AAAS: variants seen among roughly 807,000 people sequenced by gnomAD.
AAAS encodes the protein aladin.
AAAS carries 60 observed loss-of-function variants against 75.6 expected under a neutral mutation model. The observed-to-expected ratio is 0.79, with a 90% CI of 0.64 to 0.98. AAAS has a LOEUF of 0.98. AAAS is among the 50% of genes least tolerant of loss of function. The pLI is 0.00. For missense variants in AAAS, 658 were observed against 686.9 expected, an observed-to-expected ratio of 0.96 and a Z score of 0.47; for synonymous variants, 271 against 265.0, an observed-to-expected ratio of 1.02 and a Z score of -0.22.
Position 53,320,589 on chromosome 12 carries a change from A to T in AAAS, c.227T>A (p.Val76Glu), listed in dbSNP as rs1944537360. The stretch of plus-strand genomic sequence containing the variant: ...CCAAATGTTGATGCATCTCTTCCAC[A>T]CTTGCTCCCGGTGATGGATGAAGGC... ...RTAFIHHREQ[V>E]WKRCINIWRD... Residue 76 changes from valine (V) to glutamate (E), a missense_variant, in exon 2 of 16, where the codon GTG becomes GAG. Physicochemically the swap from Val to Glu is moderately radical, Grantham distance 121. Coordinates refer to ENST00000209873, the MANE Select transcript of AAAS (RefSeq NM_015665.6). 1 of 1,613,940 alleles carries T rather than the reference A, an allele frequency of 6.2e-7. No individual in the cohort carries two copies. The highest frequency in any genetic ancestry group is 1.7e-5 in the Admixed American group (1 of 60,006).
At chr12:53,308,245 A>G (rs1449609418) in intron 13 of AAAS, 37 bp downstream of exon 13, 1 of 1,613,766 alleles carries the variant, frequency 6.2e-7, no homozygotes, top group Non-Finnish European at 8.5e-7. Context: ...AACTGGGAAG[A>G]TGGCTGTGGG....
At chr12:53,308,375 G>C in intron 12 of AAAS, 26 bp from the exon 13 acceptor site, 1 of 1,614,142 alleles carries the variant, frequency 6.2e-7, no homozygotes, top group South Asian at 1.1e-5. Context: ...GGTTAGGAGA[G>C]TTTCAGTGTG....
At chr12:53,320,022 A>C (rs188151023) in intron 2 of AAAS, among the ~76,000 whole-genome samples, 30 of 151,906 alleles carry the variant, frequency 2.0e-4, no homozygotes, top group Admixed American at 2.0e-3. Context: ...CGGGAGACTG[A>C]GGCAGAAGAA....
In AAAS at chr12:53,321,493, C is replaced by T. The variant is rs984243160; in HGVS notation, c.-28G>A. 2 of 1,613,206 alleles carry T rather than the reference C, an allele frequency of 1.2e-6. No individual in the cohort carries two copies. Among genetic ancestry groups the T allele is most frequent in the African/African-American group, 2.7e-5 (2 of 74,950 alleles). ...TGCCGGTTCGCAGGACGTCTGCAGT[C>T]GGCAAACTCCTGGCCGGAACGGCAC... On this transcript the variant is annotated 5_prime_UTR_variant, in exon 1 of 16. Coordinates refer to ENST00000209873, the MANE Select transcript of AAAS (RefSeq NM_015665.6).
intron 3 of AAAS, 22 bp downstream of exon 3, chr12:53,315,705 G>A: frequency 6.2e-7 from 1 of 1,612,528 alleles, no homozygotes; most frequent in Admixed American, 1.7e-5. Flanking sequence ...AACTAGGGAA[G>A]GCTGGAGGGA....
At chr12:53,307,978 G>A (rs1296972342) in intron 14 of AAAS, 49 bp from the exon 15 acceptor site, 2 of 1,612,296 alleles carry the variant, frequency 1.2e-6, no homozygotes, top group African/African-American at 2.7e-5. Context: ...GGAGCTGAAT[G>A]TAGTGGGATG....
chr12:53,319,331 A>G (rs1023915633), intron 2 of AAAS, among the ~76,000 whole-genome samples: 2 of 152,042 alleles, frequency 1.3e-5, no homozygotes, highest in South Asian at 4.2e-4. Flanking sequence ...CTGGGAATAA[A>G]GGTGCATGCC....
At chr12:53,312,313 C>A (rs1208888347) in intron 7 of AAAS, among the ~76,000 whole-genome samples, 1 of 152,102 alleles carries the variant, frequency 6.6e-6, no homozygotes, top group Non-Finnish European at 1.5e-5. Flanking sequence ...CGGTGGCTCA[C>A]TTCTATAATC....
rs554000415 is a variant in AAAS, at chr12:53,315,554, A to ACACTCTGGACACC, written c.308-141_308-129dup. ...CTGCCCAGTAAGTGCTCTCAACACC[A>ACACTCTGGACACC]CACTCTGGACACCCACTCTGGACAC... On this transcript the variant is annotated intron_variant, in intron 3 of 15. Transcript: ENST00000209873. 1.2e-3 allele frequency: 1,434 copies of ACACTCTGGACACC among 1,168,644 alleles called. 4 individuals are homozygous for ACACTCTGGACACC. The highest frequency in any genetic ancestry group is 1.5e-3 in the Non-Finnish European group (1,212 of 799,346). The allele number at this position is 1,168,644 out of a possible 1,614,324, so 72.4% of individuals were successfully genotyped here. A position where few individuals can be genotyped will look rare whatever the true frequency, so the allele number is the denominator to read the frequency against.
At chr12:53,315,979 G>A (rs372660012) in intron 2 of AAAS, among the ~76,000 whole-genome samples, 197 bp from the exon 3 acceptor site, 16 of 152,086 alleles carry the variant, frequency 1.1e-4, no homozygotes, top group Admixed American at 2.6e-4. Flanking sequence ...ACCCATTTAC[G>A]GATGAGACAA....
In AAAS at chr12:53,320,679, G is replaced by A. The variant is rs1216492253; in HGVS notation, c.137C>T (p.Pro46Leu). The change falls in exon 2 of 16, where the codon CCT (proline) becomes CTT (leucine). Residue 46 changes from proline to leucine, a missense_variant. Pro to Leu is a moderately conservative substitution (Grantham distance 98, BLOSUM62 -3). Transcript: ENST00000209873. ...PDFRGQWINL[P>L]VLQLTKDPLK... ...GGGATCCTTTGTCAGTTGTAGGACA[G>A]GAAGATTGATCCACTATAGCACAAA... 4.3e-6 allele frequency: 7 copies of A among 1,614,006 alleles called. No homozygotes were observed. The highest frequency in any genetic ancestry group is 3.3e-5 in the South Asian group (3 of 91,090).
In AAAS at chr12:53,319,802, C is replaced by CA. The variant is rs11339214; in HGVS notation, c.251+762dup. 6.8e-3 allele frequency among the ~76,000 whole-genome samples: 133 copies of CA among 19,514 alleles called. 1 individual carries two copies. The highest frequency in any genetic ancestry group is 0.02 in the African/African-American group (122 of 5,966). 12.8% of individuals were successfully genotyped at this position (19,514 alleles called of 152,430 possible). ...CTGGCAACACAGCAAGACTCCGTCT[C>CA]AAAAAAAAAAAAAAAAAAAAAAAGA... On this transcript the variant is annotated intron_variant, in intron 2 of 15. Coordinates refer to ENST00000209873, the MANE Select transcript of AAAS (RefSeq NM_015665.6).
At chr12:53,313,386 G>A (rs553738285) in intron 7 of AAAS, among the ~76,000 whole-genome samples, 15 of 149,836 alleles carry the variant, frequency 1.0e-4, no homozygotes, top group Non-Finnish European at 1.6e-4. Context: ...GGCTGGTTTC[G>A]AACTCCTGGC....
intron 10 of AAAS, 39 bp from the exon 11 acceptor site, chr12:53,308,854 A>G (rs375910859): frequency 6.2e-7 from 1 of 1,613,366 alleles, no homozygotes; most frequent in African/African-American, 1.3e-5. Flanking sequence ...AGGTATGTCT[A>G]TAGTAGAATG....
intron 7 of AAAS, among the ~76,000 whole-genome samples, chr12:53,313,963 G>C (rs1565780633): frequency 6.6e-6 from 1 of 152,018 alleles, no homozygotes; most frequent in African/African-American, 2.4e-5. Context: ...GTTTTCACAG[G>C]TATTCTTTTT....
At chr12:53,309,746 G>A in intron 7 of AAAS, 25 bp from the exon 8 acceptor site, 1 of 1,610,728 alleles carries the variant, frequency 6.2e-7, no homozygotes, top group Non-Finnish European at 8.5e-7. Context: ...AGAGGATGTG[G>A]AGTCAGAAGA....
chr12:53,316,281 C>A (rs1301397071), intron 2 of AAAS, among the ~76,000 whole-genome samples: 3 of 147,378 alleles, frequency 2.0e-5, no homozygotes, highest in Non-Finnish European at 4.5e-5. Flanking sequence ...AAAACCCCGT[C>A]TCTACTAAAA....
At position 53,314,436 on chromosome 12, in the gene AAAS, A is replaced by G; in HGVS notation, c.551T>C (p.Ile184Thr). The G allele has an allele frequency of 8.1e-6, 13 of 1,614,070 alleles. No individual in the cohort carries two copies. Among genetic ancestry groups the G allele is most frequent in the Non-Finnish European group, 1.0e-5 (12 of 1,180,024 alleles). The stretch of plus-strand genomic sequence containing the variant: ...CAGCCGGTGCTTCAGGGAGGGGACT[A>G]TGGTGCTAGGGTGAAGGGGCAGGAA... ...SVRVYNASST[I>T]VPSLKHRLQR... The change falls in exon 7 of 16, where the codon ATA (isoleucine) becomes ACA (threonine). Residue 184 changes from isoleucine (I) to threonine (T), a missense_variant. Coordinates refer to ENST00000209873, the MANE Select transcript of AAAS (RefSeq NM_015665.6).
chr12:53,310,428 T>C (rs1222459645), intron 7 of AAAS, among the ~76,000 whole-genome samples: 1 of 152,090 alleles, frequency 6.6e-6, no homozygotes, highest in South Asian at 2.1e-4. Flanking sequence ...GGCGTGGTGG[T>C]GTTCGCCTGT....
Sources: gnomAD v4.1 joint callset for allele counts (sites outside exome capture counted in the v4.1 genomes callset) on GRCh38, gnomAD v4.1.1 for gene constraint, MANE v1.5 for transcripts, NCBI Gene and HGNC (gene_info 2026-07-23, HGNC 2026-07-21) for gene names.